The following PLXNA2 variants were observed in gnomAD, a reference collection of about 807,000 sequenced individuals.
The protein encoded by PLXNA2 is plexin-A2.
In PLXNA2, 91 loss-of-function variants were observed where a neutral mutation model predicts 193.5. That is an observed-to-expected ratio of 0.47 (90% CI 0.40 to 0.56). The LOEUF (loss-of-function observed/expected upper bound fraction) is 0.56. PLXNA2 is among the 20% of genes least tolerant of loss of function. The pLI is 0.00. For synonymous variants in PLXNA2, 997 were observed against 1,027.3 expected (o/e 0.97, Z 0.56); for missense variants, 1,995 against 2,503.2 (o/e 0.80, Z 4.33).
At position 208,044,500 on chromosome 1, in the gene PLXNA2, C is replaced by CCACTAACCTTCCTTG; in HGVS notation, c.3867_3874+7dup. On this transcript the variant is annotated splice_region_variant and intron_variant, in intron 20 of 31. Coordinates refer to ENST00000367033, the MANE Select transcript of PLXNA2 (RefSeq NM_025179.4). The surrounding 1 kb of genome is among the most constrained non-coding windows in gnomAD (Gnocchi z 4.9). Reference sequence around the variant, plus strand: ...GGACCCAGCAAATGAGGGTGTGCTTCCACTAACCTTCCTTGCACTCCAAGG... The same window carrying CCACTAACCTTCCTTG: ...GGACCCAGCAAATGAGGGTGTGCTTCCACTAACCTTCCTTGCACTAACCTTCCTTGCACTCCAAGG... 3.1e-6 allele frequency: 5 copies of CCACTAACCTTCCTTG among 1,599,874 alleles called. No homozygotes were observed. The highest frequency in any genetic ancestry group is 4.3e-6 in the Non-Finnish European group (5 of 1,167,088).
chr1:208,204,824 A>G (rs1670666544), intron 3 of PLXNA2, among the ~76,000 whole-genome samples: 1 of 152,212 alleles, frequency 6.6e-6, no homozygotes, highest in Non-Finnish European at 1.5e-5. Context: ...GGGGTCTAGG[A>G]GGGTGCCATG....
chr1:208,149,704 C>A (rs1668699166), intron 3 of PLXNA2, among the ~76,000 whole-genome samples: 1 of 151,880 alleles, frequency 6.6e-6, no homozygotes, highest in Non-Finnish European at 1.5e-5. Flanking sequence ...GCATTTGGTG[C>A]TGCGAGAGAA....
At chr1:208,037,143 A>T (rs890961400) in intron 26 of PLXNA2, among the ~76,000 whole-genome samples, 15 of 152,134 alleles carry the variant, frequency 9.9e-5, no homozygotes, top group Non-Finnish European at 1.9e-4. Flanking sequence ...CAGGGTTGTT[A>T]TCTCCATTTT....
Position 208,219,091 on chromosome 1 carries a change from G to A in PLXNA2, c.-80-1089C>T, listed in dbSNP as rs985164953. 5.3e-5 allele frequency among the ~76,000 whole-genome samples: 8 copies of A among 152,320 alleles called. No homozygotes were observed. In the South Asian group the frequency reaches 1.0e-3, roughly 20 times the overall value. Reference sequence around the variant, plus strand: ...CAGCGGGCCTCAGTGGGCCATGCTCGAAGCCCAGTCTCTAGCCCTGACTCC... The same window carrying A: ...CAGCGGGCCTCAGTGGGCCATGCTCAAAGCCCAGTCTCTAGCCCTGACTCC... On this transcript the variant is annotated intron_variant, in intron 1 of 31. Transcript: ENST00000367033.
rs751921154 is a variant in PLXNA2 at position 208,038,414 on chromosome 1, A to G, written c.4721T>C (p.Ile1574Thr). Residue 1574 changes from isoleucine to threonine, a missense_variant, in exon 26 of 32, where the codon ATT becomes ACT. Physicochemically the swap from Ile to Thr is moderately conservative, Grantham distance 89 (BLOSUM62 -1). Coordinates refer to ENST00000367033, the MANE Select transcript of PLXNA2 (RefSeq NM_025179.4). This position sits in a 1 kb window ranked among gnomAD's most constrained non-coding sequence, Gnocchi z 4.1. The part of the protein sequence containing the change: ...VLQDEDITTK[I>T]EGDWKRLNTL... Reference sequence around the variant, plus strand: ...GTTGAGCCGCTTCCAGTCACCCTCAATCTTGGTGGTGATGTCCTCATCTTG... The same window carrying G: ...GTTGAGCCGCTTCCAGTCACCCTCAGTCTTGGTGGTGATGTCCTCATCTTG... The G allele has an allele frequency of 4.3e-6, 7 of 1,613,980 alleles. No individual in the cohort carries two copies. The highest frequency in any genetic ancestry group is 1.7e-5 in the Admixed American group (1 of 60,020).
intron 1 of PLXNA2, among the ~76,000 whole-genome samples, chr1:208,232,002 G>A (rs1397635089): frequency 6.6e-6 from 1 of 152,230 alleles, no homozygotes; most frequent in Non-Finnish European, 1.5e-5. Context: ...GGTCTAAGGA[G>A]CTGTGACTCA....
chr1:208,116,701 T>G (rs917167046), intron 4 of PLXNA2, among the ~76,000 whole-genome samples: 5 of 152,278 alleles, frequency 3.3e-5, no homozygotes, highest in Admixed American at 1.3e-4. Context: ...TCACATTTGT[T>G]AAATATTATT....
Position 208,043,111 on chromosome 1 carries a change from G to A in PLXNA2, c.3967C>T (p.Arg1323Ter), listed in dbSNP as rs758315833. The part of the protein sequence containing the change: ...PYLDYRTYAM[R>*]VLFPGIEDHP... ...TCCTCGATGCCCGGGAACAGGACTC[G>A]CATAGCGTAGGTACGATAGTCCAGG... is the stretch of plus-strand genomic sequence containing the variant. Residue 1323 changes from arginine to a stop codon, truncating the protein, a stop_gained, in exon 21 of 32, where the codon CGA (arginine) becomes TGA (stop). Transcript: ENST00000367033. LOFTEE classifies it high-confidence loss of function. 5.0e-6 allele frequency: 8 copies of A among 1,614,068 alleles called. No homozygotes were observed. The highest frequency in any genetic ancestry group is 5.9e-6 in the Non-Finnish European group (7 of 1,179,986).
At chr1:208,243,337 G>A (rs1672123469) in intron 1 of PLXNA2, among the ~76,000 whole-genome samples, 1 of 152,114 alleles carries the variant, frequency 6.6e-6, no homozygotes, top group Non-Finnish European at 1.5e-5. Flanking sequence ...GTGCGCGGTG[G>A]AGGCGCGCCG....
Position 208,031,749 on chromosome 1 carries a change from T to G in PLXNA2, c.5066A>C (p.Gln1689Pro). The change falls in exon 29 of 32, where the codon CAG (glutamine) becomes CCG (proline). Residue 1689 changes from glutamine to proline, a missense_variant. This residue lies in a region of PLXNA2 where 1,291 missense variants were observed against 1,673.6 expected (regional missense o/e 0.77). Coordinates refer to ENST00000367033, the MANE Select transcript of PLXNA2 (RefSeq NM_025179.4). ...TRLLATKGTLQKFVDDLFETL... is the reference protein window; with the variant it reads ...TRLLATKGTLPKFVDDLFETL... ...CTCAAACAAGTCGTCCACAAACTTC[T>G]GCAGGGTGCCCTGGAGGAGGGGTGG... The G allele has an allele frequency of 6.2e-7, 1 of 1,600,876 alleles. No homozygotes were observed. Among genetic ancestry groups the G allele is most frequent in the Non-Finnish European group, 8.5e-7 (1 of 1,171,458 alleles).
At chr1:208,123,140 T>C (rs1200593151) in intron 4 of PLXNA2, among the ~76,000 whole-genome samples, 1 of 152,202 alleles carries the variant, frequency 6.6e-6, no homozygotes, top group African/African-American at 2.4e-5. Flanking sequence ...GATTCACCTA[T>C]TCTGGGCATT....
At chr1:208,187,677 T>TA (rs1670051424) in intron 3 of PLXNA2, among the ~76,000 whole-genome samples, 1 of 152,222 alleles carries the variant, frequency 6.6e-6, no homozygotes, top group South Asian at 2.1e-4. Context: ...TTTCCCTTAC[T>TA]GTTAGCACAA....
At chr1:208,097,213 T>C (rs184552285) in intron 6 of PLXNA2, among the ~76,000 whole-genome samples, 3 of 152,326 alleles carry the variant, frequency 2.0e-5, no homozygotes, top group Admixed American at 2.0e-4. Context: ...TGAAAATTAA[T>C]TGCAAGGCAC....
intron 12 of PLXNA2, among the ~76,000 whole-genome samples, chr1:208,069,251 G>A (rs1344893256): frequency 6.6e-6 from 1 of 152,140 alleles, no homozygotes; most frequent in Admixed American, 6.5e-5. Context: ...AAGCTTCCAG[G>A]AACTTCTGGT....
chr1:208,183,607 A>G (rs113546815), intron 3 of PLXNA2, among the ~76,000 whole-genome samples: 23,690 of 104,390 alleles, frequency 0.23, 3,080 homozygotes, highest in East Asian at 0.62. Context: ...AGAGAGGGAG[A>G]GGGGGGGGTC....
intron 4 of PLXNA2, among the ~76,000 whole-genome samples, chr1:208,131,791 T>C (rs1330480882): frequency 6.6e-6 from 1 of 152,158 alleles, no homozygotes. Context: ...TAAGAAAATA[T>C]GCAGAGGAGT....
rs1219900934 is a variant in PLXNA2, at chr1:208,051,045, C to T, written c.3219G>A (p.Arg1073=). ...GFNLDVIQEP[R]IRVKFNGKES... is the part of the protein sequence containing the mutation. ...CTTTGCCATTGAATTTGACTCGGAT[C>T]CTTGGCTCCTGAATGACATCCAGGT... Residue 1073 remains arginine, a synonymous_variant, in exon 17 of 32, where the codon AGG becomes AGA. Coordinates refer to ENST00000367033, the MANE Select transcript of PLXNA2 (RefSeq NM_025179.4). 6.2e-7 allele frequency: 1 copy of T among 1,614,092 alleles called. No individual in the cohort carries two copies. Among genetic ancestry groups the T allele is most frequent in the East Asian group, 2.2e-5 (1 of 44,876 alleles).
intron 3 of PLXNA2, among the ~76,000 whole-genome samples, chr1:208,207,914 G>A (rs1670788319): frequency 6.6e-6 from 1 of 152,214 alleles, no homozygotes; most frequent in Admixed American, 6.5e-5. Context: ...GTGAGAAGAA[G>A]CAGCCAAATC....
At position 208,025,932 on chromosome 1, in the gene PLXNA2, C is replaced by T. The variant is rs903566926; in HGVS notation, c.*1311G>A. ...CACAGTCATTTCTACTGAGGAAGTG[C>T]TGTAGGCCCAGATGGTCAGGAGCTT... is the stretch of plus-strand genomic sequence containing the variant. On this transcript the variant is annotated 3_prime_UTR_variant, in exon 32 of 32. Transcript: ENST00000367033. The T allele has an allele frequency of 1.3e-5, 2 of 152,650 alleles. No homozygotes were observed. The highest frequency in any genetic ancestry group is 4.1e-4 in the South Asian group (2 of 4,828). The allele number at this position is 152,650 out of a possible 1,614,324, so 9.5% of individuals were successfully genotyped here. A position where few individuals can be genotyped will look rare whatever the true frequency, so the allele number is the denominator to read the frequency against.
Sources: allele counts gnomAD v4.1 joint callset (sites outside exome capture counted in the v4.1 genomes callset), GRCh38; gene constraint gnomAD v4.1.1; regional missense constraint gnomAD v4.1.1; non-coding constraint Gnocchi (gnomAD v3.1); transcripts MANE v1.5; gene names NCBI Gene and HGNC (gene_info 2026-07-23, HGNC 2026-07-21).